The following MSRA variants were observed in gnomAD, a reference collection of about 807,000 sequenced individuals.
The protein encoded by MSRA is mitochondrial peptide methionine sulfoxide reductase.
Under a neutral mutation model 31.3 loss-of-function variants are expected in MSRA, and 54 were observed. The observed-to-expected ratio is 1.73, with a 90% CI of 1.39 to 2.17. The LOEUF (loss-of-function observed/expected upper bound fraction) is 2.17. Among genes scored for constraint, MSRA ranks in the 30% most tolerant of loss-of-function variants. MSRA has a pLI of 0.00. For missense variants in MSRA, 507 were observed against 300.9 expected (o/e 1.69, Z -5.07); for synonymous variants, 169 against 116.5 (o/e 1.45, Z -2.90).
At chr8:10,383,913 C>G (rs1031245410) in intron 5 of MSRA, among the ~76,000 whole-genome samples, 2 of 152,142 alleles carry the variant, frequency 1.3e-5, no homozygotes, top group South Asian at 2.1e-4. Flanking sequence ...GGAAGAACAT[C>G]CAGGACATTC....
At chr8:10,194,684 G>A (rs1807823737) in intron 1 of MSRA, among the ~76,000 whole-genome samples, 1 of 152,192 alleles carries the variant, frequency 6.6e-6, no homozygotes, top group African/African-American at 2.4e-5. Flanking sequence ...TTAAAGCTGG[G>A]TTGCAGTTTT....
intron 1 of MSRA, among the ~76,000 whole-genome samples, chr8:10,181,283 A>C (rs888213842): frequency 6.6e-6 from 1 of 152,214 alleles, no homozygotes; most frequent in African/African-American, 2.4e-5. Context: ...AACCTGCATG[A>C]AGTCAGAAAG....
chr8:10,379,151 T>C (rs1032015607), intron 5 of MSRA, among the ~76,000 whole-genome samples: 3 of 152,350 alleles, frequency 2.0e-5, no homozygotes, highest in South Asian at 2.1e-4. Flanking sequence ...CTGGCTGCCC[T>C]GTCCATAAGC....
intron 1 of MSRA, among the ~76,000 whole-genome samples, chr8:10,092,084 T>A (rs572227300): frequency 4.3e-4 from 66 of 152,130 alleles, no homozygotes; most frequent in African/African-American, 1.5e-3. Flanking sequence ...AAAGGGTCTG[T>A]AGTACTCTTG....
chr8:10,332,583 T>C (rs904801260), intron 5 of MSRA, among the ~76,000 whole-genome samples: 1 of 152,166 alleles, frequency 6.6e-6, no homozygotes, highest in Admixed American at 6.5e-5. Context: ...ATTTTAAAAG[T>C]GCCCATTTCT....
intron 1 of MSRA, among the ~76,000 whole-genome samples, chr8:10,200,159 T>C (rs1438654770): frequency 6.6e-6 from 1 of 152,206 alleles, no homozygotes; most frequent in Non-Finnish European, 1.5e-5. Flanking sequence ...ATCTCCGTTC[T>C]GCTGCGTCTG....
intron 3 of MSRA, among the ~76,000 whole-genome samples, chr8:10,288,150 A>C (rs953901107): frequency 1.3e-5 from 2 of 152,218 alleles, no homozygotes; most frequent in African/African-American, 4.8e-5. Context: ...CTGATATTTG[A>C]TTGAATCAGA....
intron 1 of MSRA, among the ~76,000 whole-genome samples, chr8:10,074,777 G>A (rs1265211434): frequency 6.6e-6 from 1 of 152,088 alleles, no homozygotes; most frequent in Non-Finnish European, 1.5e-5. Flanking sequence ...TTCTGCCTCA[G>A]CCTCCCAAGT....
intron 1 of MSRA, among the ~76,000 whole-genome samples, chr8:10,083,899 G>T (rs565290747): frequency 2.8e-4 from 43 of 152,276 alleles, no homozygotes; most frequent in African/African-American, 9.9e-4. Flanking sequence ...TTAGATCCCA[G>T]TCCTAAGTGA....
At chr8:10,286,907 A>G (rs1358091018) in intron 3 of MSRA, among the ~76,000 whole-genome samples, 1 of 152,238 alleles carries the variant, frequency 6.6e-6, no homozygotes, top group African/African-American at 2.4e-5. Flanking sequence ...TGTAATCTTT[A>G]TAGCGTACCT....
At chr8:10,360,564 C>T (rs1191311194) in intron 5 of MSRA, among the ~76,000 whole-genome samples, 2 of 152,244 alleles carry the variant, frequency 1.3e-5, no homozygotes, top group East Asian at 1.9e-4. Context: ...AGACAGGGCC[C>T]CTTGCCGAAC....
chr8:10,352,264 CAT>C (rs1298054124), intron 5 of MSRA, among the ~76,000 whole-genome samples: 4 of 152,180 alleles, frequency 2.6e-5, no homozygotes, highest in Non-Finnish European at 4.4e-5. Context: ...TATATAAAAA[CAT>C]ATAGATATGA....
chr8:10,222,550 C>G (rs1001944925), intron 2 of MSRA, among the ~76,000 whole-genome samples: 2 of 152,168 alleles, frequency 1.3e-5, no homozygotes, highest in Non-Finnish European at 2.9e-5. Context: ...TTCATACTCT[C>G]ACGTTCATTG....
chr8:10,056,112 A>G lies in MSRA; in HGVS notation c.142+1454A>G, dbSNP rs186924560. ...ATTTATACGTGCATGTTTAAAGGCG[A>G]TACTTTTCAAATGCCAGACTTCCTC... On this transcript the variant is annotated intron_variant, in intron 1 of 5. Transcript: ENST00000317173. Among the ~76,000 whole-genome samples, 323 of 148,854 alleles carry G rather than the reference A, an allele frequency of 2.2e-3. 2 individuals carry two copies. The highest frequency in any genetic ancestry group is 7.0e-3 in the African/African-American group (283 of 40,456).
At chr8:10,098,947 G>C (rs1057307608) in intron 1 of MSRA, among the ~76,000 whole-genome samples, 1 of 152,126 alleles carries the variant, frequency 6.6e-6, no homozygotes, top group Non-Finnish European at 1.5e-5. Context: ...TCTTTCCTTT[G>C]TTTTCTGTTG....
chr8:10,066,289 C>G (rs752749613), intron 1 of MSRA, among the ~76,000 whole-genome samples: 1 of 152,196 alleles, frequency 6.6e-6, no homozygotes, highest in African/African-American at 2.4e-5. Context: ...GCCCGGCCAA[C>G]TTTGTATTTT....
intron 3 of MSRA, chr8:10,250,520 A>T (rs949595300): frequency 1.6e-5 from 11 of 698,456 alleles, no homozygotes; most frequent in Non-Finnish European, 2.1e-5. Context: ...AAGGAGCTGC[A>T]CAACTTTTCC....
intron 1 of MSRA, among the ~76,000 whole-genome samples, chr8:10,157,601 G>A (rs1302245554): frequency 6.6e-6 from 1 of 151,992 alleles, no homozygotes; most frequent in East Asian, 1.9e-4. Flanking sequence ...AAGGGGCAAT[G>A]AAAGTTCTCA....
intron 5 of MSRA, among the ~76,000 whole-genome samples, chr8:10,423,775 C>T (rs1316910004): frequency 1.3e-5 from 2 of 152,214 alleles, no homozygotes; most frequent in East Asian, 1.9e-4. Flanking sequence ...AGTCCGTCGT[C>T]CCCTTCTCCC....
Sources: gnomAD v4.1 joint callset for allele counts (sites outside exome capture counted in the v4.1 genomes callset) on GRCh38, gnomAD v4.1.1 for gene constraint, MANE v1.5 for transcripts, NCBI Gene and HGNC (gene_info 2026-07-23, HGNC 2026-07-21) for gene names.